The following SCN9A variants were observed in gnomAD, a reference collection of about 807,000 sequenced individuals.
SCN9A encodes sodium channel protein type 9 subunit alpha.
A neutral mutation model predicts 187.0 loss-of-function variants in SCN9A; 131 were observed. The observed-to-expected ratio is 0.70, with a 90% CI of 0.61 to 0.81. The LOEUF (loss-of-function observed/expected upper bound fraction) is 0.81. Among genes scored for constraint, SCN9A ranks in the 30% least tolerant of loss-of-function variants. The pLI is 0.00. For missense variants in SCN9A, 2,252 were observed against 2,396.6 expected (o/e 0.94, Z 1.26); for synonymous variants, 809 against 808.6 (o/e 1.00, Z -0.01).
In SCN9A at chr2:166,228,953, A is replaced by G. The variant is rs202235611; in HGVS notation, c.3944T>C (p.Ile1315Thr). Residue 1315 changes from isoleucine to threonine, a missense_variant, in exon 22 of 27, where the codon ATA (isoleucine) becomes ACA (threonine). Ile to Thr is a moderately conservative substitution (Grantham distance 89). Coordinates refer to ENST00000642356, the MANE Select transcript of SCN9A (RefSeq NM_001365536.1). ...EGMRVVVNAL[I>T]GAIPSIMNVL... ...ATTCATGATGGAAGGAATTGCTCCT[A>G]TGAGTGCATTCACAACGACCTAGTA... 5.5e-5 allele frequency: 89 copies of G among 1,613,316 alleles called. No individual in the cohort carries two copies. The highest frequency in any genetic ancestry group is 1.8e-4 in the East Asian group (8 of 44,888).
chr2:166,219,701 T>A (rs1344075015), intron 24 of SCN9A, among the ~76,000 whole-genome samples: 1 of 152,046 alleles, frequency 6.6e-6, no homozygotes, highest in African/African-American at 2.4e-5. Flanking sequence ...AGACTGCACA[T>A]CCTGTACATG....
chr2:166,249,155 C>T (rs765466294), intron 18 of SCN9A, among the ~76,000 whole-genome samples: 3 of 152,154 alleles, frequency 2.0e-5, no homozygotes, highest in African/African-American at 4.8e-5. Flanking sequence ...ACGGAAGAAA[C>T]GCCACCTTTA....
chr2:166,212,070 T>TA (rs1287622749), intron 24 of SCN9A, among the ~76,000 whole-genome samples: 2 of 152,146 alleles, frequency 1.3e-5, no homozygotes, highest in African/African-American at 4.8e-5. Flanking sequence ...AGTTAATTGA[T>TA]AAAAAAGATA....
chr2:166,248,381 A>G (rs1311481681), intron 18 of SCN9A: 2 of 152,106 alleles, frequency 1.3e-5, no homozygotes, highest in Admixed American at 6.6e-5. Context: ...TGTTCAATCC[A>G]TCAACAAATC....
At chr2:166,374,459 A>G (rs1430779641) in intron 1 of SCN9A, among the ~76,000 whole-genome samples, 6 of 152,206 alleles carry the variant, frequency 3.9e-5, no homozygotes, top group African/African-American at 1.4e-4. Flanking sequence ...AGATAAGACT[A>G]GCTTTCAAAC....
chr2:166,311,831 A>G, intron 1 of SCN9A, 25 bp from the exon 2 acceptor site: 1 of 1,415,458 alleles, frequency 7.1e-7, no homozygotes, highest in Non-Finnish European at 9.4e-7. Context: ...AGAAATAAAG[A>G]CTTAACTATT....
intron 14 of SCN9A, among the ~76,000 whole-genome samples, chr2:166,279,564 A>G (rs1190187395): frequency 6.6e-6 from 1 of 152,102 alleles, no homozygotes; most frequent in African/African-American, 2.4e-5. Flanking sequence ...TATCTTCCAG[A>G]AGTCTGTTGA....
intron 1 of SCN9A, among the ~76,000 whole-genome samples, chr2:166,351,312 G>T (rs1355738004): frequency 1.3e-5 from 2 of 152,140 alleles, no homozygotes; most frequent in East Asian, 3.9e-4. Flanking sequence ...ATTATGAACT[G>T]CATACAACTT....
chr2:166,228,605 T>C (rs2106386992), intron 22 of SCN9A, 86 bp downstream of exon 22: 1 of 1,226,626 alleles, frequency 8.2e-7, no homozygotes, highest in African/African-American at 1.6e-5. Context: ...CTTCAATTTA[T>C]AATTAATATA....
At position 166,316,368 on chromosome 2, in the gene SCN9A, A is replaced by G. The variant is rs914711982; in HGVS notation, c.-50-4562T>C. ...GTGATATTAGAGAGGTTATAGGGGA[A>G]ATCAGTGTTGCCTGTCTGGATGAAA... On this transcript the variant is annotated intron_variant, in intron 1 of 26. Coordinates refer to ENST00000642356, the MANE Select transcript of SCN9A (RefSeq NM_001365536.1). Among the ~76,000 whole-genome samples, 7 of 152,298 alleles carry G rather than the reference A, an allele frequency of 4.6e-5. No homozygotes were observed. In the East Asian group the frequency reaches 5.8e-4, roughly 13 times the overall value.
intron 1 of SCN9A, among the ~76,000 whole-genome samples, chr2:166,326,027 T>C (rs1350394425): frequency 1.3e-5 from 2 of 152,118 alleles, no homozygotes; most frequent in African/African-American, 4.8e-5. Context: ...AATGTTTCCT[T>C]CCAGTATGAA....
intron 1 of SCN9A, among the ~76,000 whole-genome samples, chr2:166,334,340 A>T (rs961012931): frequency 3.9e-5 from 6 of 152,116 alleles, no homozygotes; most frequent in Admixed American, 3.3e-4. Context: ...CTGATATCAG[A>T]TGCTGTTTGA....
intron 9 of SCN9A, among the ~76,000 whole-genome samples, chr2:166,292,134 A>G (rs2106500768): frequency 6.6e-6 from 1 of 152,316 alleles, no homozygotes; most frequent in African/African-American, 2.4e-5. Context: ...GTGAACAGGC[A>G]AACTATAGAA....
chr2:166,374,918 TA>T (rs537648288), intron 1 of SCN9A, among the ~76,000 whole-genome samples: 3,076 of 142,238 alleles, frequency 0.022, 86 homozygotes, highest in African/African-American at 0.071. Context: ...CGCTCCAACT[TA>T]AAAAAAAAAA....
At chr2:166,233,226 C>A in intron 21 of SCN9A, 114 bp downstream of exon 21, 1 of 651,968 alleles carries the variant, frequency 1.5e-6, no homozygotes, top group Non-Finnish European at 2.4e-6. Flanking sequence ...CATACATAAA[C>A]AGCCTATGTA....
intron 1 of SCN9A, among the ~76,000 whole-genome samples, chr2:166,334,150 T>C (rs982063107): frequency 1.3e-5 from 2 of 152,074 alleles, no homozygotes; most frequent in Non-Finnish European, 2.9e-5. Flanking sequence ...GTGCTTTAAA[T>C]AAACTAAGAA....
rs200174262 is a variant in SCN9A, at chr2:166,281,778, G to A, written c.2005C>T (p.Arg669Cys). Residue 669 changes from arginine (R) to cysteine (C), a missense_variant, in exon 13 of 27, where the codon CGT (arginine) becomes TGT (cysteine). Physicochemically the swap from Arg to Cys is radical, Grantham distance 180. Around this residue, in one of 7 missense-constraint regions of SCN9A, gnomAD observed 1,013 missense variants for 997.4 expected, o/e 1.02. Transcript: ENST00000642356. Reference sequence around the variant, plus strand: ...TCTGAAAGGAGATAGGAACTACAACGCCTTTTCTTGTGTATTTGATTGGTC... The same window carrying A: ...TCTGAAAGGAGATAGGAACTACAACACCTTTTCTTGTGTATTTGATTGGTC... ...GTTNQIHKKR[R>C]CSSYLLSEDM... 144 of 1,612,396 alleles carry A rather than the reference G, an allele frequency of 8.9e-5. No homozygotes were observed. The African/African-American group carries it at 1.1e-3, about 12-fold the overall frequency.
In SCN9A at chr2:166,278,175, C is replaced by T. The variant is rs1281878329; in HGVS notation, c.2482G>A (p.Val828Met). The T allele has an allele frequency of 9.9e-6, 16 of 1,613,002 alleles. No individual in the cohort carries two copies. Among genetic ancestry groups the T allele is most frequent in the Non-Finnish European group, 1.2e-5 (14 of 1,179,620 alleles). The change falls in exon 15 of 27, where the codon GTG becomes ATG. Residue 828 changes from valine (V) to methionine (M), a missense_variant. Transcript: ENST00000642356. ...LSLVELFLAD[V>M]EGLSVLRSFR... ...GATCGCAGAACTGACAATCCTTCCA[C>T]ATCTGCTAGAAAGAGCTCCACTAAA... is the stretch of plus-strand genomic sequence containing the variant.
At chr2:166,311,847 G>T in intron 1 of SCN9A, 41 bp from the exon 2 acceptor site, 1 of 1,224,188 alleles carries the variant, frequency 8.2e-7, no homozygotes, top group Non-Finnish European at 1.1e-6. Flanking sequence ...CTATTTGCCT[G>T]CCAAGAAAGG....
Sources: gnomAD v4.1 joint callset for allele counts (sites outside exome capture counted in the v4.1 genomes callset) on GRCh38, gnomAD v4.1.1 for gene constraint, gnomAD v4.1.1 regional missense constraint, MANE v1.5 for transcripts, NCBI Gene and HGNC (gene_info 2026-07-23, HGNC 2026-07-21) for gene names.